Variants in NEUROD1 observed in about 807,000 individuals in gnomAD.
NEUROD1 encodes neuronal differentiation 1.
Under a neutral mutation model 21.8 loss-of-function variants are expected in NEUROD1, and 9 were observed. The observed-to-expected ratio is 0.41, with a 90% CI of 0.25 to 0.72. NEUROD1 has a LOEUF of 0.72. NEUROD1 is among the 30% of genes least tolerant of loss of function. NEUROD1 has a pLI of 0.31. For synonymous variants in NEUROD1, 199 were observed against 186.2 expected (o/e 1.07, Z -0.56); for missense variants, 434 against 468.8 (o/e 0.93, Z 0.69).
At chr2:181,674,032 G>A (rs571180143), downstream of NEUROD1, among the ~76,000 whole-genome samples, 4 of 152,086 alleles carry the variant, frequency 2.6e-5, no homozygotes, top group African/African-American at 9.6e-5. Flanking sequence ...AAAGTAGATA[G>A]ATCATACTAT....
chr2:181,677,887 C>T lies in NEUROD1; in HGVS notation c.974G>A (p.Arg325His), dbSNP rs898295268. Residue 325 changes from arginine to histidine, a missense_variant, in exon 2 of 2, where the codon CGC (arginine) becomes CAC (histidine). Arg to His is a conservative substitution (Grantham distance 29). Coordinates refer to ENST00000295108, the MANE Select transcript of NEUROD1 (RefSeq NM_002500.5). Reference sequence around the variant, plus strand: ...AATATTGTCTATGGGGATCTCGCAGCGAGGGGCAGCGGTGCCTGAGAAGAT... The same window carrying T: ...AATATTGTCTATGGGGATCTCGCAGTGAGGGGCAGCGGTGCCTGAGAAGAT... ...GSIFSGTAAP[R>H]CEIPIDNIMS... 6.2e-7 allele frequency: 1 copy of T among 1,614,018 alleles called. No individual in the cohort carries two copies. The highest frequency in any genetic ancestry group is 1.3e-5 in the African/African-American group (1 of 74,920).
chr2:181,678,536 G>A lies in NEUROD1; in HGVS notation c.325C>T (p.Arg109Trp). 1 of 1,614,190 alleles carries A rather than the reference G, an allele frequency of 6.2e-7. No individual in the cohort carries two copies. Among genetic ancestry groups the A allele is most frequent in the Non-Finnish European group, 8.5e-7 (1 of 1,180,040 alleles). ...FKLRRMKANA[R>W]ERNRMHGLNA... ...AGTCCGTGCATGCGGTTCCGCTCCC[G>A]GGCGTTAGCCTTCATGCGTCTCAAT... is the stretch of plus-strand genomic sequence containing the variant. Residue 109 changes from arginine (R) to tryptophan (W), a missense_variant, in exon 2 of 2, where the codon CGG (arginine) becomes TGG (tryptophan). Physicochemically the swap from Arg to Trp is moderately radical, Grantham distance 101. Transcript: ENST00000295108. The surrounding 1 kb of genome is among the most constrained non-coding windows in gnomAD (Gnocchi z 5.5).
chr2:181,678,040 C>G lies in NEUROD1; in HGVS notation c.821G>C (p.Ser274Thr). The G allele has an allele frequency of 6.2e-7, 1 of 1,614,148 alleles. No homozygotes were observed. The highest frequency in any genetic ancestry group is 8.5e-7 in the Non-Finnish European group (1 of 1,180,020). The change falls in exon 2 of 2, where the codon AGC (serine) becomes ACC (threonine). Residue 274 changes from serine to threonine, a missense_variant. Coordinates refer to ENST00000295108, the MANE Select transcript of NEUROD1 (RefSeq NM_002500.5). The surrounding 1 kb of genome is among the most constrained non-coding windows in gnomAD (Gnocchi z 5.5). ...CTSPSFDGPLSPPLSINGNFS... is the reference protein window; with the variant it reads ...CTSPSFDGPLTPPLSINGNFS... ...GTTGCCATTGATGCTGAGCGGCGGGCTGAGGGGTCCATCAAAGGAAGGGCT... is the reference window on the plus strand; with the variant it reads ...GTTGCCATTGATGCTGAGCGGCGGGGTGAGGGGTCCATCAAAGGAAGGGCT...
In NEUROD1 at chr2:181,678,710, C is replaced by T; in HGVS notation, c.151G>A (p.Asp51Asn). 1 of 1,612,122 alleles carries T rather than the reference C, an allele frequency of 6.2e-7. No individual in the cohort carries two copies. The highest frequency in any genetic ancestry group is 1.3e-5 in the African/African-American group (1 of 74,968). ...TCCTCTCCCCCGTTCCTCAGTGAGT[C>T]CTCCTCTGCGTTCATGGTTTCGAGG... ...DDLETMNAEE[D>N]SLRNGGEEED... Residue 51 changes from aspartate (D) to asparagine (N), a missense_variant, in exon 2 of 2, where the codon GAC (aspartate) becomes AAC (asparagine). Transcript: ENST00000295108. The surrounding 1 kb of genome is among the most constrained non-coding windows in gnomAD (Gnocchi z 5.5).
chr2:181,679,866 C>T (rs2105597331), intron 1 of NEUROD1, among the ~76,000 whole-genome samples: 1 of 152,330 alleles, frequency 6.6e-6, no homozygotes, highest in South Asian at 2.1e-4. Flanking sequence ...GACTTGGCCG[C>T]CTCTGGAGCG....
In NEUROD1 at chr2:181,678,378, T is replaced by G; in HGVS notation, c.483A>C (p.Lys161Asn). The part of the protein sequence containing the change: ...WALSEILRSG[K>N]SPDLVSFVQT... ...GAACGAAGGAGACCAGGTCTGGGCT[T>G]TTGCCTGAGCGCAGGATCTCCGACA... is the stretch of plus-strand genomic sequence containing the variant. Residue 161 changes from lysine (K) to asparagine (N), a missense_variant, in exon 2 of 2, where the codon AAA (lysine) becomes AAC (asparagine). Coordinates refer to ENST00000295108, the MANE Select transcript of NEUROD1 (RefSeq NM_002500.5). This position sits in a 1 kb window ranked among gnomAD's most constrained non-coding sequence, Gnocchi z 5.5. 1 of 1,614,140 alleles carries G rather than the reference T, an allele frequency of 6.2e-7. No individual in the cohort carries two copies. The highest frequency in any genetic ancestry group is 8.5e-7 in the Non-Finnish European group (1 of 1,180,032).
At chr2:181,671,349 T>G (rs1174038871) in exon 2 of NEUROD1, among the ~76,000 whole-genome samples, 1 of 152,204 alleles carries the variant, frequency 6.6e-6, no homozygotes, top group African/African-American at 2.4e-5. Context: ...TATATCCATT[T>G]GTACTATCAT....
chr2:181,678,003 T>A lies in NEUROD1; in HGVS notation c.858A>T (p.Lys286Asn). 6.2e-7 allele frequency: 1 copy of A among 1,614,102 alleles called. No homozygotes were observed. The highest frequency in any genetic ancestry group is 8.5e-7 in the Non-Finnish European group (1 of 1,180,010). Residue 286 changes from lysine to asparagine, a missense_variant, in exon 2 of 2, where the codon AAA (lysine) becomes AAT (asparagine). Coordinates refer to ENST00000295108, the MANE Select transcript of NEUROD1 (RefSeq NM_002500.5). The surrounding 1 kb of genome is among the most constrained non-coding windows in gnomAD (Gnocchi z 5.5). ...TCTCAAACTCGGCGGACGGTTCGTG[T>A]TTGAAAGAGAAGTTGCCATTGATGC... ...PLSINGNFSF[K>N]HEPSAEFEKN...
downstream of NEUROD1, among the ~76,000 whole-genome samples, chr2:181,674,352 C>A (rs73043102): frequency 4.4e-3 from 674 of 152,200 alleles, 4 homozygotes; most frequent in African/African-American, 0.015. Context: ...GCCAAACTTG[C>A]CAGCATTTTT....
At position 181,676,923 on chromosome 2, in the gene NEUROD1, T is replaced by C. The variant is rs912030790; in HGVS notation, c.*867A>G. On this transcript the variant is annotated 3_prime_UTR_variant, in exon 2 of 2. Transcript: ENST00000295108. ...TGTGATAGTCAAGCAGCTTTTGATT[T>C]AAAGAAGGGTATGTTGGCATTTATT... 1 of 152,512 alleles carries C rather than the reference T, an allele frequency of 6.6e-6. No homozygotes were observed. Among genetic ancestry groups the C allele is most frequent in the South Asian group, 2.1e-4 (1 of 4,826 alleles). 9.4% of individuals were successfully genotyped at this position (152,512 alleles called of 1,614,324 possible).
downstream of NEUROD1, among the ~76,000 whole-genome samples, chr2:181,676,046 C>T (rs1234293000): frequency 6.6e-6 from 1 of 152,054 alleles, no homozygotes; most frequent in East Asian, 1.9e-4. Context: ...ATGTTTTATA[C>T]ATCTTAAATG....
chr2:181,677,667 A>C lies in NEUROD1; in HGVS notation c.*123T>G. On this transcript the variant is annotated 3_prime_UTR_variant, in exon 2 of 2. Transcript: ENST00000295108. ...AGTAATGACAATAAATACATATATC[A>C]CTTGAAGCTTGGAGTATTTGCACTT... 6.4e-7 allele frequency: 1 copy of C among 1,554,118 alleles called. No homozygotes were observed. The highest frequency in any genetic ancestry group is 8.8e-7 in the Non-Finnish European group (1 of 1,140,654).
chr2:181,676,145 A>G (rs1267197984), downstream of NEUROD1, among the ~76,000 whole-genome samples: 2 of 152,196 alleles, frequency 1.3e-5, no homozygotes, highest in Non-Finnish European at 2.9e-5. Flanking sequence ...ATAGAAGAAA[A>G]CATGTAACAA....
In NEUROD1 at chr2:181,678,115, T is replaced by TA. The variant is rs1559135170; in HGVS notation, c.745dup (p.Tyr249LeufsTer10). On this transcript the variant is annotated frameshift_variant, in exon 2 of 2. Transcript: ENST00000295108. LOFTEE classifies it high-confidence loss of function. This position sits in a 1 kb window ranked among gnomAD's most constrained non-coding sequence, Gnocchi z 5.5. ...AAAGAAGGGCTCCAGCGCTGCGCTG[T>TA]AGGCGTGCGGCGGAGGCTTAACGTG... 1 of 1,614,152 alleles carries TA rather than the reference T, an allele frequency of 6.2e-7. No individual in the cohort carries two copies. The highest frequency in any genetic ancestry group is 2.2e-5 in the East Asian group (1 of 44,880).
Position 181,676,951 on chromosome 2 carries a change from T to C in NEUROD1, c.*839A>G, listed in dbSNP as rs1039259363. The C allele has an allele frequency of 3.3e-5, 5 of 152,488 alleles. No individual in the cohort carries two copies. Among genetic ancestry groups the C allele is most frequent in the African/African-American group, 1.2e-4 (5 of 41,436 alleles). 9.4% of individuals were successfully genotyped at this position (152,488 alleles called of 1,614,324 possible). A position where few individuals can be genotyped will look rare whatever the true frequency, so the allele number is the denominator to read the frequency against. ...AGAAGGGTATGTTGGCATTTATTTA[T>C]AATATGTATATACAAGCTTGTGCAA... is the stretch of plus-strand genomic sequence containing the variant. On this transcript the variant is annotated 3_prime_UTR_variant, in exon 2 of 2. Transcript: ENST00000295108.
At chr2:181,680,073 A>AT (rs963216799) in intron 1 of NEUROD1, among the ~76,000 whole-genome samples, 37 of 151,996 alleles carry the variant, frequency 2.4e-4, no homozygotes, top group African/African-American at 3.4e-4. Context: ...GATAACATAG[A>AT]TTTTTTTTTC....
At chr2:181,680,162 C>T (rs16867467) in intron 1 of NEUROD1, among the ~76,000 whole-genome samples, 15,616 of 152,042 alleles carry the variant, frequency 0.1, 985 homozygotes, top group East Asian at 0.19. Flanking sequence ...ATCATAGTTA[C>T]CGTGCATTCT....
rs8192557 is a variant in NEUROD1 at position 181,677,979 on chromosome 2, C to T, written c.882G>A (p.Glu294=). The T allele has an allele frequency of 9.8e-5, 158 of 1,614,088 alleles. No homozygotes were observed. Among genetic ancestry groups the T allele is most frequent in the Non-Finnish European group, 1.2e-4 (144 of 1,180,042 alleles). The change falls in exon 2 of 2, where the codon GAG becomes GAA. Residue 294 remains glutamate, a synonymous_variant. Transcript: ENST00000295108. ...AGTGCATGGTAAAGGCATAATTTTTCTCAAACTCGGCGGACGGTTCGTGTT... is the reference window on the plus strand; with the variant it reads ...AGTGCATGGTAAAGGCATAATTTTTTTCAAACTCGGCGGACGGTTCGTGTT... ...SFKHEPSAEF[E]KNYAFTMHYP... is the part of the protein sequence containing the mutation.
chr2:181,676,016 A>T (rs1335751869), downstream of NEUROD1, among the ~76,000 whole-genome samples: 1 of 152,222 alleles, frequency 6.6e-6, no homozygotes, highest in Non-Finnish European at 1.5e-5. Context: ...TACAGATAAC[A>T]GAAGACCAAG....
Sources: gnomAD v4.1 joint callset for allele counts (sites outside exome capture counted in the v4.1 genomes callset) on GRCh38, gnomAD v4.1.1 for gene constraint, Gnocchi (gnomAD v3.1) non-coding constraint, MANE v1.5 for transcripts, NCBI Gene and HGNC (gene_info 2026-07-23, HGNC 2026-07-21) for gene names.